NBDY: variants seen among roughly 807,000 people sequenced by gnomAD.
NBDY encodes the protein negative regulator of P-body association.
intron 2 of NBDY, among the ~76,000 whole-genome samples, chrX:56,798,387 C>T (rs1226907321): frequency 1.8e-5 from 2 of 111,540 alleles, no homozygotes; most frequent in African/African-American, 6.5e-5. Context: ...CCACATCCTC[C>T]CACCCCTGCC....
intron 2 of NBDY, among the ~76,000 whole-genome samples, chrX:56,735,089 C>A (rs2069480351): frequency 8.9e-6 from 1 of 111,931 alleles, no homozygotes; most frequent in African/African-American, 3.2e-5. Context: ...GTTTCAGGTA[C>A]TTTCATGGTG....
At chrX:56,750,449 C>T (rs2069578736) in intron 2 of NBDY, among the ~76,000 whole-genome samples, 3 of 85,762 alleles carry the variant, frequency 3.5e-5, no homozygotes, top group African/African-American at 1.0e-4. Flanking sequence ...GCAATCTCAC[C>T]CACTGTCCTG....
intron 2 of NBDY, among the ~76,000 whole-genome samples, chrX:56,764,016 G>A (rs1002988008): frequency 3.6e-5 from 4 of 112,226 alleles, no homozygotes; most frequent in African/African-American, 1.3e-4. Flanking sequence ...AAGAGATGGC[G>A]GCATGGAGCC....
chrX:56,752,886 C>A (rs2069592829), intron 2 of NBDY, among the ~76,000 whole-genome samples: 2 of 111,978 alleles, frequency 1.8e-5, no homozygotes, highest in Admixed American at 1.9e-4. Context: ...GCTAGGATTA[C>A]AGGCATGAGC....
At chrX:56,751,089 T>C (rs2146718544) in intron 2 of NBDY, among the ~76,000 whole-genome samples, 1 of 111,448 alleles carries the variant, frequency 9.0e-6, no homozygotes, top group African/African-American at 3.3e-5. Context: ...TCAAGCCTTA[T>C]CTGTTGCCAC....
At chrX:56,764,535 C>G (rs770420355) in intron 2 of NBDY, among the ~76,000 whole-genome samples, 1 of 110,002 alleles carries the variant, frequency 9.1e-6, no homozygotes, top group Non-Finnish European at 1.9e-5. Flanking sequence ...AGCACATCCT[C>G]GCTGATCTCT....
At chrX:56,744,781 GT>G (rs1421846021) in intron 2 of NBDY, among the ~76,000 whole-genome samples, 2 of 111,052 alleles carry the variant, frequency 1.8e-5, no homozygotes, top group African/African-American at 3.3e-5. Context: ...TATAAACTAT[GT>G]TTTTTTCCTA....
chrX:56,818,618 A>G lies in NBDY; in HGVS notation c.*1465A>G, dbSNP rs1433949721. The G allele has an allele frequency of 8.9e-6, 1 of 112,099 alleles. No homozygotes were observed. The highest frequency in any genetic ancestry group is 1.9e-5 in the Non-Finnish European group (1 of 53,202). The allele number at this position is 112,099 out of a possible 1,213,427, so 9.2% of individuals were successfully genotyped here. A position where few individuals can be genotyped will look rare whatever the true frequency, so the allele number is the denominator to read the frequency against. Reference sequence around the variant, plus strand: ...TATAAAGATGACAACACTCTTCAAAATAATCAAACTATTCAATGCAACCCT... The same window carrying G: ...TATAAAGATGACAACACTCTTCAAAGTAATCAAACTATTCAATGCAACCCT... On this transcript the variant is annotated 3_prime_UTR_variant, in exon 3 of 3. Transcript: ENST00000374922.
intron 2 of NBDY, among the ~76,000 whole-genome samples, chrX:56,814,198 AT>A (rs2069900194): frequency 9.0e-6 from 1 of 110,641 alleles, no homozygotes; most frequent in East Asian, 2.8e-4. Context: ...TCATAGTGAT[AT>A]CTTATCTTCT....
At chrX:56,739,307 G>T (rs1377340459) in intron 2 of NBDY, among the ~76,000 whole-genome samples, 6 of 91,750 alleles carry the variant, frequency 6.5e-5, no homozygotes, top group Admixed American at 2.5e-4. Flanking sequence ...TATAGAGAGA[G>T]AGAGAGAGAG....
chrX:56,793,077 G>A (rs1326444491), intron 2 of NBDY, among the ~76,000 whole-genome samples: 1 of 111,921 alleles, frequency 8.9e-6, no homozygotes, highest in Non-Finnish European at 1.9e-5. Flanking sequence ...TCAGACTTGA[G>A]TGAGTTGCTG....
chrX:56,755,343 G>A (rs2069604498), intron 2 of NBDY, among the ~76,000 whole-genome samples: 1 of 112,254 alleles, frequency 8.9e-6, no homozygotes, highest in African/African-American at 3.2e-5. Context: ...TACCATCAGA[G>A]TGAACAGGCA....
At chrX:56,789,630 GATGGGACTGC>G (rs1441372417) in intron 2 of NBDY, among the ~76,000 whole-genome samples, 1 of 111,611 alleles carries the variant, frequency 9.0e-6, no homozygotes, top group Non-Finnish European at 1.9e-5. Flanking sequence ...TGTTTGTTGA[GATGGGACTGC>G]ATGGGACTGA....
At chrX:56,806,082 GTTC>G (rs765245892) in intron 2 of NBDY, among the ~76,000 whole-genome samples, 1 of 110,988 alleles carries the variant, frequency 9.0e-6, no homozygotes, top group Non-Finnish European at 1.9e-5. Flanking sequence ...TTGGTTTTCT[GTTC>G]TTCTGTTAGT....
At chrX:56,748,001 C>A (rs1452404062) in intron 2 of NBDY, among the ~76,000 whole-genome samples, 1 of 111,108 alleles carries the variant, frequency 9.0e-6, no homozygotes, top group Non-Finnish European at 1.9e-5. Context: ...GAAGGACAGA[C>A]TGGAACTCCT....
At chrX:56,732,249 T>A (rs1010771959) in intron 2 of NBDY, 50 bp downstream of exon 2, 8 of 289,463 alleles carry the variant, frequency 2.8e-5, no homozygotes, top group African/African-American at 5.6e-5. Flanking sequence ...AAAAAAAGAG[T>A]TGGTTTTGAC....
intron 2 of NBDY, among the ~76,000 whole-genome samples, chrX:56,743,247 A>G (rs188722714): frequency 9.0e-6 from 1 of 111,123 alleles, no homozygotes; most frequent in Non-Finnish European, 1.9e-5. Context: ...AATATTTATC[A>G]GAGATATTGG....
intron 2 of NBDY, among the ~76,000 whole-genome samples, chrX:56,786,516 C>T (rs915706766): frequency 1.8e-5 from 2 of 110,146 alleles, no homozygotes; most frequent in African/African-American, 6.7e-5. Context: ...TCTTCTTCTC[C>T]TCTTTTTTAT....
chrX:56,746,038 C>T (rs1389634446), intron 2 of NBDY, among the ~76,000 whole-genome samples: 2 of 111,424 alleles, frequency 1.8e-5, no homozygotes, highest in African/African-American at 6.5e-5. Context: ...GCACCATATT[C>T]CATGTCTAGG....
Sources: gnomAD v4.1 joint callset for allele counts (sites outside exome capture counted in the v4.1 genomes callset) on GRCh38, gnomAD v4.1.1 for gene constraint, MANE v1.5 for transcripts, NCBI Gene and HGNC (gene_info 2026-07-23, HGNC 2026-07-21) for gene names.